Variants in DMC1 observed in about 807,000 individuals in gnomAD.
DMC1 encodes meiotic recombination protein DMC1 homolog.
Under a neutral mutation model 50.1 loss-of-function variants are expected in DMC1, and 27 were observed. The observed-to-expected ratio is 0.54, with a 90% CI of 0.40 to 0.74. The LOEUF (loss-of-function observed/expected upper bound fraction) is 0.74, where lower values mean the gene tolerates loss of function less well. Ranked by LOEUF, DMC1 falls within the 30% of genes least tolerant of loss-of-function variation. The pLI is 0.00. For missense variants in DMC1, 295 were observed against 420.2 expected, an observed-to-expected ratio of 0.70 and a Z score of 2.60; for synonymous variants, 148 against 136.1, an observed-to-expected ratio of 1.09 and a Z score of -0.61.
chr22:38,539,595 C>A (rs1471155807), intron 8 of DMC1, among the ~76,000 whole-genome samples, 183 bp from the exon 9 acceptor site: 1 of 152,182 alleles, frequency 6.6e-6, no homozygotes, highest in Non-Finnish European at 1.5e-5. Context: ...ATAAGTGCCT[C>A]AACTTACCAT....
chr22:38,562,430 A>C, intron 4 of DMC1, 61 bp from the exon 5 acceptor site: 1 of 1,198,264 alleles, frequency 8.3e-7, no homozygotes, highest in Non-Finnish European at 1.2e-6. Context: ...GTATTTTCAA[A>C]TGTTGCCCAA....
intron 3 of DMC1, among the ~76,000 whole-genome samples, chr22:38,567,199 C>CCA (rs1219376664): frequency 1.3e-5 from 2 of 152,112 alleles, no homozygotes; most frequent in African/African-American, 4.8e-5. Flanking sequence ...TTTTCTAAAA[C>CCA]CACTGAAAGA....
chr22:38,558,268 T>C (rs2090489828), intron 5 of DMC1, among the ~76,000 whole-genome samples: 1 of 151,880 alleles, frequency 6.6e-6, no homozygotes, highest in Admixed American at 6.6e-5. Context: ...TTAAAGAAAA[T>C]ACAATACACT....
chr22:38,510,647 A>G, the DMC1 span, among the ~76,000 whole-genome samples: 1 of 152,298 alleles, frequency 6.6e-6, no homozygotes, highest in East Asian at 1.9e-4. Flanking sequence ...CCTCCCCGCA[A>G]AATCCCTTAT....
intron 12 of DMC1, among the ~76,000 whole-genome samples, chr22:38,523,914 C>T (rs926025997): frequency 6.6e-6 from 1 of 152,088 alleles, no homozygotes; most frequent in Non-Finnish European, 1.5e-5. Flanking sequence ...TCAAAAGGAG[C>T]TAAGAACGGA....
At chr22:38,520,133 T>TAAAAA in intron 13 of DMC1, 44 bp from the exon 14 acceptor site, 1 of 1,477,904 alleles carries the variant, frequency 6.8e-7, no homozygotes, top group Non-Finnish European at 9.5e-7. Context: ...AAGCTCTATT[T>TAAAAA]CTATAAATAC....
chr22:38,557,956 CTTTTTTTT>C (rs753724944), intron 5 of DMC1, among the ~76,000 whole-genome samples: 4 of 62,696 alleles, frequency 6.4e-5, no homozygotes, highest in South Asian at 6.2e-4. Flanking sequence ...AGACAAAGTT[CTTTTTTTT>C]TTTTTTTTTT....
chr22:38,533,554 T>C (rs2090178977), intron 12 of DMC1, among the ~76,000 whole-genome samples: 1 of 152,190 alleles, frequency 6.6e-6, no homozygotes, highest in South Asian at 2.1e-4. Context: ...ATATCAAATA[T>C]CTTTTAATAT....
chr22:38,528,516 T>C (rs1440443095), intron 12 of DMC1, among the ~76,000 whole-genome samples: 3 of 152,058 alleles, frequency 2.0e-5, no homozygotes, highest in Admixed American at 2.0e-4. Flanking sequence ...CTCACGCTTG[T>C]AATCCCAGCA....
At chr22:38,513,488 A>C in the DMC1 span, among the ~76,000 whole-genome samples, 1 of 152,216 alleles carries the variant, frequency 6.6e-6, no homozygotes, top group Non-Finnish European at 1.5e-5. Context: ...GACTAGCCAC[A>C]CTTGGTGTCT....
chr22:38,568,585 T>C (rs1602784666), intron 1 of DMC1, among the ~76,000 whole-genome samples: 1 of 152,212 alleles, frequency 6.6e-6, no homozygotes, highest in East Asian at 1.9e-4. Context: ...CTGGTTTCCA[T>C]TGCACAGCTA....
intron 9 of DMC1, 75 bp downstream of exon 9, chr22:38,539,246 T>C: frequency 9.8e-7 from 1 of 1,024,978 alleles, no homozygotes; most frequent in Non-Finnish European, 1.5e-6. Flanking sequence ...TATCAAAATG[T>C]TGTATCCCTC....
In DMC1 at chr22:38,519,774, A is replaced by C; in HGVS notation, c.*246T>G. On this transcript the variant is annotated 3_prime_UTR_variant, in exon 14 of 14. Transcript: ENST00000216024. ...GGTATATATATCTACTATATATGTCAGGTATACACACACAAACACACACAC... is the reference window on the plus strand; with the variant it reads ...GGTATATATATCTACTATATATGTCCGGTATACACACACAAACACACACAC... 1 of 453,320 alleles carries C rather than the reference A, an allele frequency of 2.2e-6. No individual in the cohort carries two copies. Among genetic ancestry groups the C allele is most frequent in the Admixed American group, 3.4e-5 (1 of 29,760 alleles). The allele number at this position is 453,320 out of a possible 1,614,324, so 28.1% of individuals were successfully genotyped here.
At chr22:38,530,412 T>C (rs865918668) in intron 12 of DMC1, among the ~76,000 whole-genome samples, 1 of 152,146 alleles carries the variant, frequency 6.6e-6, no homozygotes, top group South Asian at 2.1e-4. Flanking sequence ...TCCCAAAATA[T>C]GCAGAAAAAT....
At chr22:38,567,954 G>C (rs1424410545) in intron 2 of DMC1, among the ~76,000 whole-genome samples, 1 of 152,314 alleles carries the variant, frequency 6.6e-6, no homozygotes, top group African/African-American at 2.4e-5. Context: ...TCTAGGACCA[G>C]GCTGCTATTC....
At chr22:38,560,017 G>GA (rs926671540) in intron 5 of DMC1, among the ~76,000 whole-genome samples, 20 of 144,032 alleles carry the variant, frequency 1.4e-4, no homozygotes, top group East Asian at 1.0e-3. Context: ...GACTCCGTCT[G>GA]AAAAAAAAAA....
chr22:38,554,591 A>G (rs1173652124), intron 6 of DMC1, among the ~76,000 whole-genome samples: 3 of 152,050 alleles, frequency 2.0e-5, no homozygotes, highest in Non-Finnish European at 4.4e-5. Context: ...TAATCCCAAT[A>G]CTTTGGGAGG....
chr22:38,549,902 G>A (rs750275870), intron 8 of DMC1, 23 bp downstream of exon 8: 3 of 1,564,204 alleles, frequency 1.9e-6, no homozygotes, highest in Non-Finnish European at 2.6e-6. Flanking sequence ...TATTATGTTA[G>A]CAACTTTAAA....
rs775505643 is a variant in DMC1 at position 38,539,323 on chromosome 22, G to C, written c.584C>G (p.Thr195Ser). 6.2e-7 allele frequency: 1 copy of C among 1,611,316 alleles called. No individual in the cohort carries two copies. The highest frequency in any genetic ancestry group is 8.5e-7 in the Non-Finnish European group (1 of 1,177,494). ...ATCCAACTGCATGGGGCTCTTACTAGTATATGCACGTGCATAAAGTACGTT... is the reference window on the plus strand; with the variant it reads ...ATCCAACTGCATGGGGCTCTTACTACTATATGCACGTGCATAAAGTACGTT... Reference protein sequence around the residue: ...LDNVLYARAYTSEHQMELLDY... With the variant: ...LDNVLYARAYSSEHQMELLDY... Residue 195 changes from threonine to serine, a missense_variant and splice_region_variant, in exon 9 of 14, where the codon ACT (threonine) becomes AGT (serine). Thr to Ser is a moderately conservative substitution (Grantham distance 58). Coordinates refer to ENST00000216024, the MANE Select transcript of DMC1 (RefSeq NM_007068.4).
Sources: allele counts gnomAD v4.1 joint callset (sites outside exome capture counted in the v4.1 genomes callset), GRCh38; gene constraint gnomAD v4.1.1; transcripts MANE v1.5; gene names NCBI Gene and HGNC (gene_info 2026-07-23, HGNC 2026-07-21).